Variants in GLCCI1 observed in about 807,000 individuals in gnomAD.
The protein encoded by GLCCI1 is glucocorticoid-induced transcript 1 protein.
A neutral mutation model predicts 52.2 loss-of-function variants in GLCCI1; 24 were observed. The observed-to-expected ratio is 0.46, with a 90% CI of 0.33 to 0.65. GLCCI1 has a LOEUF of 0.65. Ranked by LOEUF, GLCCI1 falls within the 30% of genes least tolerant of loss-of-function variation. GLCCI1 has a pLI of 0.02. For synonymous variants in GLCCI1, 310 were observed against 276.5 expected (o/e 1.12, Z -1.20); for missense variants, 704 against 701.5 (o/e 1.00, Z -0.04).
At chr7:8,029,281 A>T (rs1289937382) in intron 3 of GLCCI1, among the ~76,000 whole-genome samples, 2 of 152,230 alleles carry the variant, frequency 1.3e-5, no homozygotes, top group Admixed American at 6.5e-5. Context: ...TATCCCAGGG[A>T]TGCAAAGATG....
intron 1 of GLCCI1, among the ~76,000 whole-genome samples, chr7:7,985,974 A>G (rs541664202): frequency 6.6e-6 from 1 of 152,282 alleles, no homozygotes; most frequent in South Asian, 2.1e-4. Flanking sequence ...TATAGTTGGT[A>G]CCTGTGTATG....
At chr7:8,038,082 A>G (rs1332086605) in intron 3 of GLCCI1, among the ~76,000 whole-genome samples, 2 of 152,188 alleles carry the variant, frequency 1.3e-5, no homozygotes, top group African/African-American at 2.4e-5. Context: ...GCCATAGAAT[A>G]TACATTCTTC....
chr7:7,976,497 AAGGAAAGG>A (rs1354558435), intron 1 of GLCCI1, among the ~76,000 whole-genome samples: 2,707 of 140,128 alleles, frequency 0.019, 74 homozygotes, highest in Non-Finnish European at 0.032. Flanking sequence ...AAAAAAAAAA[AAGGAAAGG>A]AAAAAGGAAA....
At chr7:8,052,842 T>C (rs1562443007) in intron 3 of GLCCI1, among the ~76,000 whole-genome samples, 1 of 152,164 alleles carries the variant, frequency 6.6e-6, no homozygotes, top group Non-Finnish European at 1.5e-5. Context: ...CCCCAAATCC[T>C]GCTTCCTTTC....
At chr7:8,046,316 C>T (rs750712463) in intron 3 of GLCCI1, among the ~76,000 whole-genome samples, 1 of 152,194 alleles carries the variant, frequency 6.6e-6, no homozygotes, top group Non-Finnish European at 1.5e-5. Flanking sequence ...AGTGGACTCC[C>T]TCCTCTCGTC....
chr7:7,987,739 C>T (rs528885756), intron 1 of GLCCI1, among the ~76,000 whole-genome samples: 5 of 152,222 alleles, frequency 3.3e-5, no homozygotes, highest in Non-Finnish European at 7.4e-5. Context: ...AGGTGCATGC[C>T]GCCATGTCTG....
intron 6 of GLCCI1, among the ~76,000 whole-genome samples, chr7:8,080,466 C>A (rs1782971216): frequency 6.6e-6 from 1 of 151,430 alleles, no homozygotes; most frequent in Non-Finnish European, 1.5e-5. Context: ...AATCTGCATG[C>A]TTTAAGCATT....
chr7:8,021,692 C>T (rs1781496143), intron 2 of GLCCI1, among the ~76,000 whole-genome samples: 1 of 152,306 alleles, frequency 6.6e-6, no homozygotes. Flanking sequence ...TGTGAGCCAC[C>T]ATGCTCAGCC....
chr7:8,088,776 G>A lies in GLCCI1; in HGVS notation c.*2238G>A, dbSNP rs1015250240. On this transcript the variant is annotated 3_prime_UTR_variant, in exon 8 of 8. Transcript: ENST00000223145. ...TGAGATACTAAATATTAATTGTGTT[G>A]TACATTTGTTCTTAGCATATATTAA... 1.3e-5 allele frequency: 2 copies of A among 152,602 alleles called. No individual in the cohort carries two copies. Among genetic ancestry groups the A allele is most frequent in the Non-Finnish European group, 2.9e-5 (2 of 68,022 alleles). The allele number at this position is 152,602 out of a possible 1,614,324, so 9.5% of individuals were successfully genotyped here. A position where few individuals can be genotyped will look rare whatever the true frequency, so the allele number is the denominator to read the frequency against.
chr7:8,085,601 G>A (rs1197479414), intron 7 of GLCCI1, among the ~76,000 whole-genome samples: 2 of 152,180 alleles, frequency 1.3e-5, no homozygotes, highest in Non-Finnish European at 2.9e-5. Context: ...GCCTAGTGGA[G>A]GGTGCAGTGC....
At chr7:8,058,947 A>G (rs527834760) in intron 4 of GLCCI1, among the ~76,000 whole-genome samples, 1 of 152,306 alleles carries the variant, frequency 6.6e-6, no homozygotes, top group South Asian at 2.1e-4. Context: ...GAGAAAAGAA[A>G]TGGTCATTAA....
At chr7:8,033,887 A>G (rs531633446) in intron 3 of GLCCI1, among the ~76,000 whole-genome samples, 2 of 152,262 alleles carry the variant, frequency 1.3e-5, no homozygotes, top group Non-Finnish European at 2.9e-5. Flanking sequence ...TTTGTTTTTT[A>G]CTAGGAATTG....
intron 3 of GLCCI1, among the ~76,000 whole-genome samples, chr7:8,025,470 T>C (rs1171231914): frequency 6.6e-6 from 1 of 152,070 alleles, no homozygotes; most frequent in African/African-American, 2.4e-5. Flanking sequence ...GACAACAGAT[T>C]TGCGATGGCA....
At chr7:8,024,734 G>T (rs988230920) in intron 3 of GLCCI1, 2 of 152,192 alleles carry the variant, frequency 1.3e-5, no homozygotes, top group Non-Finnish European at 2.9e-5. Flanking sequence ...ATTAAAGCTG[G>T]ACAAAACTGT....
chr7:8,043,155 C>T (rs34156160), intron 3 of GLCCI1, among the ~76,000 whole-genome samples: 11,339 of 152,182 alleles, frequency 0.075, 472 homozygotes, highest in African/African-American at 0.1. Flanking sequence ...TGTTTTTAGA[C>T]ACTACTATTG....
At chr7:8,031,824 A>C (rs951297185) in intron 3 of GLCCI1, among the ~76,000 whole-genome samples, 3 of 152,112 alleles carry the variant, frequency 2.0e-5, no homozygotes, top group Admixed American at 6.6e-5. Flanking sequence ...GTAGACTTTA[A>C]TACAATAAAG....
intron 1 of GLCCI1, among the ~76,000 whole-genome samples, chr7:7,988,792 A>G (rs966169799): frequency 2.6e-5 from 4 of 152,162 alleles, no homozygotes; most frequent in African/African-American, 7.2e-5. Context: ...AGACTCCTAT[A>G]TGTTCACCTA....
chr7:8,009,198 T>C (rs1198237870), intron 2 of GLCCI1, among the ~76,000 whole-genome samples: 1 of 152,224 alleles, frequency 6.6e-6, no homozygotes, highest in Non-Finnish European at 1.5e-5. Context: ...TACTGTAGCC[T>C]TGCAGATACA....
At chr7:8,076,274 C>T (rs901352533) in intron 6 of GLCCI1, among the ~76,000 whole-genome samples, 1 of 152,114 alleles carries the variant, frequency 6.6e-6, no homozygotes, top group East Asian at 1.9e-4. Context: ...CTTGAAAAAT[C>T]ACTGCTTTTG....
Sources: allele counts gnomAD v4.1 joint callset (sites outside exome capture counted in the v4.1 genomes callset), GRCh38; gene constraint gnomAD v4.1.1; transcripts MANE v1.5; gene names NCBI Gene and HGNC (gene_info 2026-07-23, HGNC 2026-07-21).